Variants in LRRTM4 observed in about 807,000 individuals in gnomAD.
LRRTM4 encodes leucine-rich repeat transmembrane neuronal protein 4.
Under a neutral mutation model 47.6 loss-of-function variants are expected in LRRTM4, and 25 were observed. The observed-to-expected ratio is 0.53, with a 90% confidence interval of 0.38 to 0.73. The LOEUF is 0.73. Among genes scored for constraint, LRRTM4 ranks in the 30% least tolerant of loss-of-function variants. The pLI is 0.00. For missense variants in LRRTM4, 638 were observed against 713.4 expected, an observed-to-expected ratio of 0.89 and a Z score of 1.20; for synonymous variants, 311 against 269.5, an observed-to-expected ratio of 1.15 and a Z score of -1.51.
chr2:77,519,750 C>G lies in LRRTM4; in HGVS notation c.119G>C (p.Cys40Ser). The G allele has an allele frequency of 6.2e-7, 1 of 1,613,320 alleles. No individual in the cohort carries two copies. The highest frequency in any genetic ancestry group is 8.5e-7 in the Non-Finnish European group (1 of 1,179,558). ...CTCACAGTACACAATTTTGCCATCACATCTGCAGTTCTTTGGGCAAGCTCT... is the reference window on the plus strand; with the variant it reads ...CTCACAGTACACAATTTTGCCATCAGATCTGCAGTTCTTTGGGCAAGCTCT... ...AQRACPKNCRCDGKIVYCESH... is the reference protein window; with the variant it reads ...AQRACPKNCRSDGKIVYCESH... The change falls in exon 3 of 4, where the codon TGT (cysteine) becomes TCT (serine). Residue 40 changes from cysteine to serine, a missense_variant. Cys to Ser is a moderately radical substitution (Grantham distance 112). Transcript: ENST00000409884. The surrounding 1 kb of genome is among the most constrained non-coding windows in gnomAD (Gnocchi z 4.6).
chr2:77,328,253 C>T (rs1454555739), intron 3 of LRRTM4, among the ~76,000 whole-genome samples: 3 of 152,124 alleles, frequency 2.0e-5, no homozygotes, highest in Admixed American at 2.0e-4. Flanking sequence ...AAGGTTGTTG[C>T]TATTAGGTCT....
chr2:76,902,834 C>T (rs1483389228), intron 3 of LRRTM4, among the ~76,000 whole-genome samples: 3 of 151,942 alleles, frequency 2.0e-5, no homozygotes. Context: ...TGATAGATTC[C>T]CCTGGTGCAT....
At chr2:77,266,411 A>G (rs1470934355) in intron 3 of LRRTM4, among the ~76,000 whole-genome samples, 1 of 152,196 alleles carries the variant, frequency 6.6e-6, no homozygotes, top group Admixed American at 6.6e-5. Context: ...TTCATTTCCC[A>G]AATACCAAAA....
chr2:77,470,205 T>C (rs1677134468), intron 3 of LRRTM4, among the ~76,000 whole-genome samples: 1 of 152,060 alleles, frequency 6.6e-6, no homozygotes, highest in East Asian at 1.9e-4. Context: ...GGATTACATA[T>C]CATATGACAA....
At chr2:77,472,277 G>T (rs1054193163) in intron 3 of LRRTM4, among the ~76,000 whole-genome samples, 3 of 152,030 alleles carry the variant, frequency 2.0e-5, no homozygotes, top group Non-Finnish European at 2.9e-5. Flanking sequence ...AAGTTATAGT[G>T]CCAACAGGCT....
intron 3 of LRRTM4, among the ~76,000 whole-genome samples, chr2:76,997,503 A>C (rs575324158): frequency 6.6e-6 from 1 of 152,250 alleles, no homozygotes; most frequent in South Asian, 2.1e-4. Flanking sequence ...GACAAAATTG[A>C]GTTACTGTCT....
intron 3 of LRRTM4, among the ~76,000 whole-genome samples, chr2:77,417,455 C>A (rs778563439): frequency 6.6e-6 from 1 of 151,926 alleles, no homozygotes; most frequent in South Asian, 2.1e-4. Flanking sequence ...ATGTTTATTG[C>A]GACACTATTC....
At chr2:77,049,118 TTTTTTA>T (rs1208649750) in intron 3 of LRRTM4, among the ~76,000 whole-genome samples, 38 of 83,340 alleles carry the variant, frequency 4.6e-4, no homozygotes, top group Admixed American at 1.5e-4. Flanking sequence ...TAATATTTCA[TTTTTTA>T]TATATATATA....
At chr2:76,951,462 A>T (rs1675491248) in intron 3 of LRRTM4, among the ~76,000 whole-genome samples, 1 of 151,972 alleles carries the variant, frequency 6.6e-6, no homozygotes, top group Non-Finnish European at 1.5e-5. Context: ...TTCTCTATTA[A>T]TTAAAGAAAA....
chr2:77,277,566 G>A (rs1425603038), intron 3 of LRRTM4, among the ~76,000 whole-genome samples: 1 of 151,976 alleles, frequency 6.6e-6, no homozygotes, highest in Non-Finnish European at 1.5e-5. Context: ...AGTGAAGGGG[G>A]ATATCCTCAC....
intron 3 of LRRTM4, among the ~76,000 whole-genome samples, chr2:77,455,714 C>A (rs1476624761): frequency 6.6e-6 from 1 of 152,088 alleles, no homozygotes; most frequent in Non-Finnish European, 1.5e-5. Flanking sequence ...CTGTCCAACA[C>A]CCTGCCTCTT....
chr2:77,460,367 AACTTTGGTTAAGCT>A (rs1676741818), intron 3 of LRRTM4, among the ~76,000 whole-genome samples: 1 of 152,138 alleles, frequency 6.6e-6, no homozygotes, highest in South Asian at 2.1e-4. Context: ...TTGGCTAAAT[AACTTTGGTTAAGCT>A]ACTTCACTAC....
At chr2:76,937,244 G>GGCTTCT (rs1674986419) in intron 3 of LRRTM4, among the ~76,000 whole-genome samples, 1 of 152,018 alleles carries the variant, frequency 6.6e-6, no homozygotes, top group African/African-American at 2.4e-5. Flanking sequence ...ATAAGTAGGA[G>GGCTTCT]GCATATGGCA....
At chr2:77,100,200 T>C (rs1300332404) in intron 3 of LRRTM4, among the ~76,000 whole-genome samples, 1 of 152,170 alleles carries the variant, frequency 6.6e-6, no homozygotes, top group Non-Finnish European at 1.5e-5. Context: ...CCATCATTTT[T>C]TCAGGAATTT....
At chr2:77,055,636 T>A (rs1490589956) in intron 3 of LRRTM4, among the ~76,000 whole-genome samples, 1 of 152,090 alleles carries the variant, frequency 6.6e-6, no homozygotes, top group Non-Finnish European at 1.5e-5. Flanking sequence ...GTGTGGCGAT[T>A]CCTCAGGGAT....
intron 3 of LRRTM4, among the ~76,000 whole-genome samples, chr2:77,206,333 C>G (rs1307898002): frequency 1.3e-5 from 2 of 151,678 alleles, no homozygotes; most frequent in Admixed American, 6.6e-5. Flanking sequence ...CACATGCCAC[C>G]AAGTCCAGCT....
intron 3 of LRRTM4, among the ~76,000 whole-genome samples, chr2:77,421,383 C>T (rs1674876084): frequency 6.6e-6 from 1 of 152,082 alleles, no homozygotes; most frequent in Non-Finnish European, 1.5e-5. Flanking sequence ...TTAGTTGTCA[C>T]ATCTAGGGAA....
intron 3 of LRRTM4, among the ~76,000 whole-genome samples, chr2:76,875,691 T>G (rs957972844): frequency 6.6e-6 from 1 of 152,168 alleles, no homozygotes; most frequent in South Asian, 2.1e-4. Flanking sequence ...TCTTAATACC[T>G]AATTACCCAC....
chr2:76,784,587 A>T (rs1484687304), intron 3 of LRRTM4, among the ~76,000 whole-genome samples: 1 of 152,096 alleles, frequency 6.6e-6, no homozygotes, highest in Non-Finnish European at 1.5e-5. Flanking sequence ...AAACTAAAGT[A>T]TCCTATGTAA....
Sources: gnomAD v4.1 joint callset for allele counts (sites outside exome capture counted in the v4.1 genomes callset) on GRCh38, gnomAD v4.1.1 for gene constraint, Gnocchi (gnomAD v3.1) non-coding constraint, MANE v1.5 for transcripts, NCBI Gene and HGNC (gene_info 2026-07-23, HGNC 2026-07-21) for gene names.